PPP1R12B: variants seen among roughly 807,000 people sequenced by gnomAD.
The protein encoded by PPP1R12B is myosin phosphatase target subunit 2.
PPP1R12B carries 76 observed loss-of-function variants against 126.1 expected under a neutral mutation model. The ratio of observed to expected loss-of-function variants is 0.60; its 90% CI spans 0.50 to 0.73. The LOEUF is 0.73. Among genes scored for constraint, PPP1R12B ranks in the 30% least tolerant of loss-of-function variants. The probability of loss-of-function intolerance (pLI) is 0.00; values close to 1 mark genes in which losing one functional copy is unlikely to be tolerated. For missense variants in PPP1R12B, 1,052 were observed against 1,205.1 expected (o/e 0.87, Z 1.88); for synonymous variants, 356 against 434.7 (o/e 0.82, Z 2.25).
chr1:202,433,688 G>A (rs1231821413), intron 8 of PPP1R12B, among the ~76,000 whole-genome samples: 1 of 152,220 alleles, frequency 6.6e-6, no homozygotes, highest in Non-Finnish European at 1.5e-5. Context: ...CTCATTGAGT[G>A]ATTTCTGTAG....
At chr1:202,363,066 T>G (rs977577646) in intron 1 of PPP1R12B, among the ~76,000 whole-genome samples, 3 of 152,206 alleles carry the variant, frequency 2.0e-5, no homozygotes, top group Admixed American at 2.0e-4. Flanking sequence ...ACTCCTGGAC[T>G]CAAGTGATCC....
intron 12 of PPP1R12B, among the ~76,000 whole-genome samples, chr1:202,443,430 G>A (rs995596013): frequency 6.6e-6 from 1 of 152,126 alleles, no homozygotes; most frequent in Admixed American, 6.5e-5. Flanking sequence ...TTAACTCTTT[G>A]GAATCAACAC....
chr1:202,360,709 C>CAAA (rs1360335257), intron 1 of PPP1R12B, among the ~76,000 whole-genome samples: 1 of 109,086 alleles, frequency 9.2e-6, no homozygotes, highest in Non-Finnish European at 1.9e-5. Context: ...AACTCCGTCT[C>CAAA]AAAAAAAAAA....
rs1409261944 is a variant in PPP1R12B at position 202,488,578 on chromosome 1, G to T, written c.1896G>T (p.Arg632=). The change falls in exon 14 of 24, where the codon CGG becomes CGT. Residue 632 remains arginine, a synonymous_variant. Transcript: ENST00000608999. ...PVRDEEAESL[R]KARSRQARQT... is the part of the protein sequence containing the mutation. Reference sequence around the variant, plus strand: ...GGGATGAGGAAGCAGAGTCTTTACGGAAAGCACGCTCCAGACAAGCTCGGC... The same window carrying T: ...GGGATGAGGAAGCAGAGTCTTTACGTAAAGCACGCTCCAGACAAGCTCGGC... 6.2e-7 allele frequency: 1 copy of T among 1,613,020 alleles called. No homozygotes were observed. The highest frequency in any genetic ancestry group is 1.7e-5 in the Admixed American group (1 of 59,876).
intron 13 of PPP1R12B, among the ~76,000 whole-genome samples, chr1:202,471,535 G>A (rs893105842): frequency 7.5e-5 from 11 of 147,320 alleles, no homozygotes; most frequent in East Asian, 2.0e-4. Flanking sequence ...AGCAATGTAC[G>A]TGAGTTTCTC....
chr1:202,387,917 T>C (rs1663428570), intron 1 of PPP1R12B, among the ~76,000 whole-genome samples: 1 of 152,158 alleles, frequency 6.6e-6, no homozygotes, highest in South Asian at 2.1e-4. Flanking sequence ...TGCAAATTAG[T>C]TGTGGGATTA....
At chr1:202,421,661 A>AAG (rs1668803378) in intron 2 of PPP1R12B, among the ~76,000 whole-genome samples, 1 of 151,318 alleles carries the variant, frequency 6.6e-6, no homozygotes, top group African/African-American at 2.4e-5. Flanking sequence ...CAAAAAAAAA[A>AAG]GGGGTTTCTT....
chr1:202,393,225 A>G (rs989021585), intron 1 of PPP1R12B, among the ~76,000 whole-genome samples: 36 of 152,166 alleles, frequency 2.4e-4, no homozygotes, highest in African/African-American at 4.8e-5. Context: ...TGGGATTACA[A>G]GAGTGAGCCA....
chr1:202,475,380 G>A (rs1382520731), intron 13 of PPP1R12B, among the ~76,000 whole-genome samples: 1 of 152,210 alleles, frequency 6.6e-6, no homozygotes, highest in Non-Finnish European at 1.5e-5. Flanking sequence ...CCCAAGAATG[G>A]AGTGTTGATT....
chr1:202,378,407 A>G (rs1430736075), intron 1 of PPP1R12B, among the ~76,000 whole-genome samples: 2 of 152,016 alleles, frequency 1.3e-5, no homozygotes, highest in African/African-American at 4.8e-5. Flanking sequence ...ACTTTGCTCC[A>G]TTATGCTGAA....
rs375768989 is a variant in PPP1R12B at position 202,567,830 on chromosome 1, G to A, written c.2810G>A (p.Arg937Gln). 12 of 1,613,712 alleles carry A rather than the reference G, an allele frequency of 7.4e-6. No homozygotes were observed. Among genetic ancestry groups the A allele is most frequent in the East Asian group, 4.5e-5 (2 of 44,890 alleles). ...TCATCAGTGCTGGAGATGGAGAAAC[G>A]GGTATGCGCATGTCTGTTTCCCCCT... ...DRSSVLEMEK[R>Q]ERRALERKMS... The change falls in exon 22 of 24, where the codon CGG (arginine) becomes CAG (glutamine). Residue 937 changes from arginine to glutamine, a missense_variant and splice_region_variant. Physicochemically the swap from Arg to Gln is conservative, Grantham distance 43. Transcript: ENST00000608999.
At chr1:202,369,776 T>TAAA (rs746468557) in intron 1 of PPP1R12B, 1 of 153,930 alleles carries the variant, frequency 6.5e-6, no homozygotes, top group African/African-American at 2.4e-5. Flanking sequence ...TGCCTCGCTT[T>TAAA]ACCATGGTGT....
At chr1:202,531,403 C>G (rs1683934693) in intron 18 of PPP1R12B, among the ~76,000 whole-genome samples, 1 of 151,938 alleles carries the variant, frequency 6.6e-6, no homozygotes, top group South Asian at 2.1e-4. Flanking sequence ...GTATGGAGAT[C>G]TTTTTAGTGA....
At chr1:202,537,899 C>A (rs900270700) in intron 18 of PPP1R12B, among the ~76,000 whole-genome samples, 3 of 152,210 alleles carry the variant, frequency 2.0e-5, no homozygotes, top group Non-Finnish European at 2.9e-5. Context: ...GGAGACTCAC[C>A]TTATCAGATG....
intron 23 of PPP1R12B, among the ~76,000 whole-genome samples, chr1:202,577,907 AAGATCC>A (rs1490555477): frequency 6.6e-6 from 1 of 152,236 alleles, no homozygotes; most frequent in Non-Finnish European, 1.5e-5. Context: ...TTAAGAAACT[AAGATCC>A]AGAGAGTTAA....
Position 202,589,153 on chromosome 1 carries a change from C to CTT in PPP1R12B, c.*8594_*8595dup, listed in dbSNP as rs1429788965. The CTT allele has an allele frequency of 6.6e-6, 1 of 152,182 alleles. No individual in the cohort carries two copies. The highest frequency in any genetic ancestry group is 1.5e-5 in the Non-Finnish European group (1 of 68,034). The allele number at this position is 152,182 out of a possible 1,614,324, so 9.4% of individuals were successfully genotyped here. A position where few individuals can be genotyped will look rare whatever the true frequency, so the allele number is the denominator to read the frequency against. On this transcript the variant is annotated 3_prime_UTR_variant, in exon 24 of 24. Coordinates refer to ENST00000608999, the MANE Select transcript of PPP1R12B (RefSeq NM_002481.4). ...AGTTCCAAACTACAAATGTAGTTAA[C>CTT]TTGGGGGCTATTGAAGGTTAAATCT...
chr1:202,433,169 T>C (rs749341533), intron 8 of PPP1R12B, among the ~76,000 whole-genome samples: 1 of 152,216 alleles, frequency 6.6e-6, no homozygotes, highest in Non-Finnish European at 1.5e-5. Context: ...TTTATAAATG[T>C]TCATCTTTTT....
intron 1 of PPP1R12B, among the ~76,000 whole-genome samples, chr1:202,413,898 A>G (rs1026290065): frequency 6.6e-6 from 1 of 152,052 alleles, no homozygotes; most frequent in Non-Finnish European, 1.5e-5. Flanking sequence ...TTTCTTGGAT[A>G]TTATACCAAA....
chr1:202,493,789 G>GA (rs1338254544), intron 15 of PPP1R12B, among the ~76,000 whole-genome samples: 1 of 152,176 alleles, frequency 6.6e-6, no homozygotes, highest in Non-Finnish European at 1.5e-5. Context: ...ACATAGCCAA[G>GA]AAGTGGTTAA....
Sources: gnomAD v4.1 joint callset for allele counts (sites outside exome capture counted in the v4.1 genomes callset) on GRCh38, gnomAD v4.1.1 for gene constraint, MANE v1.5 for transcripts, NCBI Gene and HGNC (gene_info 2026-07-23, HGNC 2026-07-21) for gene names.